MAGI2: variants seen among roughly 807,000 people sequenced by gnomAD.
MAGI2 encodes membrane-associated guanylate kinase, WW and PDZ domain-containing protein 2.
In MAGI2, 35 loss-of-function variants were observed where a neutral mutation model predicts 133.3. The ratio of observed to expected loss-of-function variants is 0.26; its 90% CI spans 0.20 to 0.35. The LOEUF (loss-of-function observed/expected upper bound fraction) is 0.35. Among genes scored for constraint, MAGI2 ranks in the 10% least tolerant of loss-of-function variants. The pLI is 1.00. For missense variants in MAGI2, 1,636 were observed against 1,863.4 expected (o/e 0.88, Z 2.25); for synonymous variants, 729 against 710.6 (o/e 1.03, Z -0.41).
At chr7:79,409,643 C>A (rs973112967) in intron 1 of MAGI2, among the ~76,000 whole-genome samples, 14 of 152,158 alleles carry the variant, frequency 9.2e-5, no homozygotes, top group African/African-American at 3.4e-4. Flanking sequence ...TTAAGCAAAA[C>A]ACTTTCATAA....
At chr7:78,728,604 C>T (rs1375295010) in intron 2 of MAGI2, among the ~76,000 whole-genome samples, 4 of 71,326 alleles carry the variant, frequency 5.6e-5, no homozygotes, top group African/African-American at 2.0e-4. Flanking sequence ...CTCGCTCTGT[C>T]GCCCAGGCTG....
intron 1 of MAGI2, among the ~76,000 whole-genome samples, chr7:79,116,449 C>G (rs370883371): frequency 1.7e-4 from 26 of 152,254 alleles, no homozygotes; most frequent in African/African-American, 5.8e-4. Flanking sequence ...GTTAAACTTT[C>G]AGGATCCTTC....
At chr7:78,651,282 A>T (rs1383565054) in intron 2 of MAGI2, among the ~76,000 whole-genome samples, 1 of 149,978 alleles carries the variant, frequency 6.7e-6, no homozygotes, top group African/African-American at 2.5e-5. Flanking sequence ...ATAAACACAG[A>T]TACACACACA....
chr7:78,499,055 A>AAACAACAACAACAAC (rs147914906), intron 5 of MAGI2, among the ~76,000 whole-genome samples: 1,651 of 150,474 alleles, frequency 0.011, 22 homozygotes, highest in African/African-American at 0.028. Flanking sequence ...CTACAAACTC[A>AAACAACAACAACAAC]AACAACAACA....
intron 2 of MAGI2, among the ~76,000 whole-genome samples, chr7:78,975,882 A>G (rs920468208): frequency 2.0e-5 from 3 of 151,724 alleles, no homozygotes; most frequent in African/African-American, 2.4e-5. Flanking sequence ...AATGAATAAT[A>G]CAAGTAACTC....
rs1819540482 is a variant in MAGI2 at position 78,113,319 on chromosome 7, G to T, written c.3567+12375C>A. Among the ~76,000 whole-genome samples the T allele has an allele frequency of 2.0e-5, 3 of 152,208 alleles. No individual in the cohort carries two copies. In the South Asian group the frequency reaches 6.2e-4, roughly 32 times the overall value. On this transcript the variant is annotated intron_variant, in intron 20 of 21. Coordinates refer to ENST00000354212, the MANE Select transcript of MAGI2 (RefSeq NM_012301.4). ...GAACCATCTTATCTAGCAGGCTGAG[G>T]GGAGGAAAATACAAGTTGATTTGTA...
At chr7:79,073,823 C>T (rs1015751251) in intron 1 of MAGI2, among the ~76,000 whole-genome samples, 2 of 151,078 alleles carry the variant, frequency 1.3e-5, no homozygotes, top group African/African-American at 2.4e-5. Flanking sequence ...TACTAGATTT[C>T]GTAGAGTCCT....
At chr7:79,109,541 C>T (rs572020091) in intron 1 of MAGI2, among the ~76,000 whole-genome samples, 6 of 152,070 alleles carry the variant, frequency 3.9e-5, no homozygotes, top group Non-Finnish European at 5.9e-5. Context: ...AGCCCAACTT[C>T]GATACAGGAG....
intron 20 of MAGI2, among the ~76,000 whole-genome samples, chr7:78,111,701 C>T (rs1467201831): frequency 6.6e-6 from 1 of 152,202 alleles, no homozygotes; most frequent in East Asian, 1.9e-4. Flanking sequence ...AGAGGCTTTT[C>T]TTTTCCTTCG....
chr7:78,367,959 C>T (rs983480766), intron 7 of MAGI2, among the ~76,000 whole-genome samples: 4 of 152,076 alleles, frequency 2.6e-5, no homozygotes, highest in African/African-American at 9.7e-5. Context: ...ATTTATCTTA[C>T]TTTTTTTGTA....
chr7:78,436,222 C>T (rs1386282130), intron 6 of MAGI2, among the ~76,000 whole-genome samples: 1 of 152,092 alleles, frequency 6.6e-6, no homozygotes, highest in Non-Finnish European at 1.5e-5. Context: ...TAGAAATGAG[C>T]CCTTTTTTTG....
intron 1 of MAGI2, among the ~76,000 whole-genome samples, chr7:79,182,661 C>A (rs1826723616): frequency 6.6e-6 from 1 of 151,844 alleles, no homozygotes; most frequent in Non-Finnish European, 1.5e-5. Flanking sequence ...AAGTACCATA[C>A]AATCTAGCAA....
chr7:79,281,788 T>C (rs1346016294), intron 1 of MAGI2, among the ~76,000 whole-genome samples: 1 of 152,172 alleles, frequency 6.6e-6, no homozygotes, highest in Non-Finnish European at 1.5e-5. Flanking sequence ...CTAGTCATAT[T>C]CTTGCAAGTT....
At chr7:78,885,447 A>G (rs1449835638) in intron 2 of MAGI2, among the ~76,000 whole-genome samples, 1 of 152,196 alleles carries the variant, frequency 6.6e-6, no homozygotes, top group Admixed American at 6.5e-5. Context: ...GTCTTACACT[A>G]TCCTGAGGCT....
chr7:78,802,130 T>C (rs1354799668), intron 2 of MAGI2, among the ~76,000 whole-genome samples: 1 of 152,198 alleles, frequency 6.6e-6, no homozygotes, highest in Non-Finnish European at 1.5e-5. Context: ...TCTCCAGGCC[T>C]CCGTACCTAC....
intron 2 of MAGI2, among the ~76,000 whole-genome samples, chr7:78,911,864 C>A (rs1798426051): frequency 6.6e-6 from 1 of 151,884 alleles, no homozygotes; most frequent in African/African-American, 2.4e-5. Flanking sequence ...ACCCTCCACT[C>A]CTAAATGCTC....
At chr7:78,213,173 ATTTGC>A (rs67730737) in intron 10 of MAGI2, among the ~76,000 whole-genome samples, 43,894 of 151,750 alleles carry the variant, frequency 0.29, 6,856 homozygotes, top group Admixed American at 0.35. Flanking sequence ...TAGCAAGAGC[ATTTGC>A]TTTGGGATTT....
intron 9 of MAGI2, among the ~76,000 whole-genome samples, chr7:78,323,650 C>T (rs766784444): frequency 2.6e-5 from 4 of 151,900 alleles, no homozygotes; most frequent in Admixed American, 1.3e-4. Context: ...TTTGTTTGTT[C>T]CCCCCGGCCC....
intron 2 of MAGI2, among the ~76,000 whole-genome samples, chr7:78,928,777 A>T (rs10280588): frequency 0.034 from 5,234 of 152,150 alleles, 288 homozygotes; most frequent in African/African-American, 0.11. Context: ...GAGAACAGCA[A>T]TGGTCATTAT....
Sources: allele counts gnomAD v4.1 joint callset (sites outside exome capture counted in the v4.1 genomes callset), GRCh38; gene constraint gnomAD v4.1.1; transcripts MANE v1.5; gene names NCBI Gene and HGNC (gene_info 2026-07-23, HGNC 2026-07-21).